Variants in ZMYM5 observed in about 807,000 individuals in gnomAD.
ZMYM5 encodes zinc finger MYM-type protein 5.
ZMYM5 carries 41 observed loss-of-function variants against 61.8 expected under a neutral mutation model. The observed-to-expected ratio is 0.66, with a 90% CI of 0.52 to 0.86. The LOEUF (loss-of-function observed/expected upper bound fraction) is 0.86, where lower values mean the gene tolerates loss of function less well. ZMYM5 is among the 40% of genes least tolerant of loss of function. The pLI is 0.00. For missense variants in ZMYM5, 706 were observed against 786.7 expected, an observed-to-expected ratio of 0.90 and a Z score of 1.23; for synonymous variants, 257 against 276.4, an observed-to-expected ratio of 0.93 and a Z score of 0.70.
intron 2 of ZMYM5, among the ~76,000 whole-genome samples, chr13:19,852,628 T>TTA (rs1297412886): frequency 6.6e-6 from 1 of 152,210 alleles, no homozygotes; most frequent in African/African-American, 2.4e-5. Context: ...TCCAAAATAA[T>TTA]TATGTAATTA....
chr13:19,837,027 T>TG (rs1329669445), intron 6 of ZMYM5, among the ~76,000 whole-genome samples: 2 of 123,344 alleles, frequency 1.6e-5, no homozygotes, highest in African/African-American at 3.5e-5. Flanking sequence ...GTTTTTTGTT[T>TG]TTTTTTTTTT....
At chr13:19,836,210 G>A (rs1952670300) in intron 6 of ZMYM5, among the ~76,000 whole-genome samples, 1 of 151,726 alleles carries the variant, frequency 6.6e-6, no homozygotes, top group African/African-American at 2.4e-5. Flanking sequence ...AGATTCATAG[G>A]AAAGCAATAA....
chr13:19,827,978 C>T (rs1364625245), intron 7 of ZMYM5, among the ~76,000 whole-genome samples: 2 of 143,648 alleles, frequency 1.4e-5, no homozygotes, highest in Non-Finnish European at 3.0e-5. Flanking sequence ...GAGATTGCGC[C>T]ACTGCACTCC....
intron 2 of ZMYM5, among the ~76,000 whole-genome samples, chr13:19,862,152 A>C (rs1953791680): frequency 6.6e-6 from 1 of 152,198 alleles, no homozygotes; most frequent in Non-Finnish European, 1.5e-5. Context: ...CAAGGCACTT[A>C]AAAGAGAGCT....
intron 2 of ZMYM5, among the ~76,000 whole-genome samples, chr13:19,859,448 G>A (rs981826661): frequency 6.6e-6 from 1 of 152,062 alleles, no homozygotes; most frequent in African/African-American, 2.4e-5. Context: ...TGTCACCCAG[G>A]CTGGAGTGCA....
chr13:19,840,159 C>A (rs1225332542), intron 4 of ZMYM5, among the ~76,000 whole-genome samples: 2 of 152,286 alleles, frequency 1.3e-5, no homozygotes, highest in Non-Finnish European at 2.9e-5. Context: ...AGCTTTTGGA[C>A]AGGTGAGGTG....
chr13:19,849,801 G>A lies in ZMYM5; in HGVS notation c.586+1554C>T, dbSNP rs181444481. On this transcript the variant is annotated intron_variant, in intron 4 of 7. Coordinates refer to ENST00000337963, the MANE Select transcript of ZMYM5 (RefSeq NM_001142684.2). ...TTGAGACCAGCCTGGCCAACATAGT[G>A]AAACCCCATCTCTACTAAGAATACA... Among the ~76,000 whole-genome samples the A allele has an allele frequency of 5.1e-3, 776 of 152,052 alleles. 4 individuals are homozygous for A. Among genetic ancestry groups the A allele is most frequent in the Non-Finnish European group, 8.6e-3 (583 of 67,988 alleles).
intron 3 of ZMYM5, 119 bp downstream of exon 3, chr13:19,851,570 T>G: frequency 6.5e-7 from 1 of 1,541,092 alleles, no homozygotes; most frequent in Non-Finnish European, 8.8e-7. Flanking sequence ...AATAATTATG[T>G]TCACATCTTG....
At chr13:19,844,577 T>C (rs1441697379) in intron 4 of ZMYM5, among the ~76,000 whole-genome samples, 1 of 152,198 alleles carries the variant, frequency 6.6e-6, no homozygotes, top group Non-Finnish European at 1.5e-5. Flanking sequence ...TTTAGCAAGC[T>C]TTAAGTAATA....
At chr13:19,828,886 T>C (rs1478969853) in intron 7 of ZMYM5, among the ~76,000 whole-genome samples, 1 of 152,144 alleles carries the variant, frequency 6.6e-6, no homozygotes, top group African/African-American at 2.4e-5. Context: ...CACAATGAGT[T>C]TGACTTTCAA....
intron 4 of ZMYM5, 75 bp from the exon 5 acceptor site, chr13:19,839,060 TA>T: frequency 6.5e-7 from 1 of 1,530,924 alleles, no homozygotes; most frequent in East Asian, 2.3e-5. Flanking sequence ...CATTTTCATT[TA>T]AGAGTTTAAG....
intron 2 of ZMYM5, among the ~76,000 whole-genome samples, chr13:19,860,277 C>T (rs939216339): frequency 2.0e-5 from 3 of 150,048 alleles, no homozygotes; most frequent in African/African-American, 7.3e-5. Flanking sequence ...AGGCACCCAC[C>T]AGCACACCCG....
intron 4 of ZMYM5, among the ~76,000 whole-genome samples, chr13:19,849,795 C>T (rs1172838921): frequency 3.3e-5 from 5 of 151,960 alleles, no homozygotes; most frequent in Non-Finnish European, 5.9e-5. Context: ...GCCTGGCCAA[C>T]ATAGTGAAAC....
rs1317894178 is a variant in ZMYM5, at chr13:19,837,703, CTTTT to C, written c.987_990del (p.Lys330GlufsTer14). On this transcript the variant is annotated frameshift_variant, in exon 6 of 8. Coordinates refer to ENST00000337963, the MANE Select transcript of ZMYM5 (RefSeq NM_001142684.2). LOFTEE classifies it high-confidence loss of function. ...GTACATCTTGACTTATTAAAAACTCCTTTTTTAAGATTCCAGTTGTTTTCACAGG... is the reference window on the plus strand; with the variant it reads ...GTACATCTTGACTTATTAAAAACTCCTTAAGATTCCAGTTGTTTTCACAGG... 2 of 1,577,732 alleles carry C rather than the reference CTTTT, an allele frequency of 1.3e-6. No homozygotes were observed. The highest frequency in any genetic ancestry group is 2.8e-5 in the African/African-American group (2 of 72,396).
Position 19,851,756 on chromosome 13 carries a change from C to A in ZMYM5, c.425G>T (p.Gly142Val). The A allele has an allele frequency of 1.9e-6, 3 of 1,598,518 alleles. No homozygotes were observed. Among genetic ancestry groups the A allele is most frequent in the Admixed American group, 3.6e-5 (2 of 55,270 alleles). Residue 142 changes from glycine to valine, a missense_variant, in exon 3 of 8, where the codon GGA becomes GTA. By Grantham distance (109) the Gly-to-Val change is moderately radical. Around this residue, in one of 2 missense-constraint regions of ZMYM5, gnomAD observed 480 missense variants for 461.7 expected, o/e 1.04. Transcript: ENST00000337963. The stretch of plus-strand genomic sequence containing the variant: ...GGTTTTGTTTTTAGTTCCAGGAAGT[C>A]CCCATTCGATAAAACAGGAAGACTT... ...EKKSSCFIEW[G>V]LPGTKNKTND...
chr13:19,863,120 ACCCGCCCCCCG>A (rs1953836183), intron 1 of ZMYM5, among the ~76,000 whole-genome samples: 1 of 150,834 alleles, frequency 6.6e-6, no homozygotes. Flanking sequence ...CCCTCGCCCA[ACCCGCCCCCCG>A]CCACTATGCG....
chr13:19,824,591 A>T lies in ZMYM5; in HGVS notation c.1896T>A (p.Ser632Arg), dbSNP rs1331794255. ...CAGATTTTAATTTTGAGTACTTAAC[A>T]CTATTGTTGACGTGCATTTCACTTT... is the stretch of plus-strand genomic sequence containing the variant. Reference protein sequence around the residue: ...HEESEMHVNNSVKYSKLKSDL... With the variant: ...HEESEMHVNNRVKYSKLKSDL... The change falls in exon 8 of 8, where the codon AGT becomes AGA. Residue 632 changes from serine (S) to arginine (R), a missense_variant. Ser to Arg is a moderately radical substitution (Grantham distance 110, BLOSUM62 -1). Transcript: ENST00000337963. 1 of 1,316,852 alleles carries T rather than the reference A, an allele frequency of 7.6e-7. No individual in the cohort carries two copies. Among genetic ancestry groups the T allele is most frequent in the Non-Finnish European group, 1.0e-6 (1 of 995,956 alleles). The allele number at this position is 1,316,852 out of a possible 1,614,324, so 81.6% of individuals were successfully genotyped here. A position where few individuals can be genotyped will look rare whatever the true frequency, so the allele number is the denominator to read the frequency against.
chr13:19,838,270 C>T (rs1355828863), intron 5 of ZMYM5, among the ~76,000 whole-genome samples: 1 of 152,148 alleles, frequency 6.6e-6, no homozygotes, highest in Middle Eastern at 3.4e-3. Flanking sequence ...CCCAGCTACT[C>T]GGGAGGCTGA....
At position 19,860,427 on chromosome 13, in the gene ZMYM5, ATT is replaced by A. The variant is rs1240279855; in HGVS notation, c.-11+1970_-11+1971del. 3.0e-3 allele frequency among the ~76,000 whole-genome samples: 387 copies of A among 128,782 alleles called. 5 individuals carry two copies. The highest frequency in any genetic ancestry group is 0.01 in the African/African-American group (366 of 35,642). The allele number at this position is 128,782 out of a possible 152,430, so 84.5% of individuals were successfully genotyped here. A position where few individuals can be genotyped will look rare whatever the true frequency, so the allele number is the denominator to read the frequency against. ...AGGCATGTGCCACCAGGCCCGGCTA[ATT>A]TTGTGTGTGTGTGTGTGTATGTGTG... On this transcript the variant is annotated intron_variant, in intron 2 of 7. Transcript: ENST00000337963.
Sources: gnomAD v4.1 joint callset for allele counts (sites outside exome capture counted in the v4.1 genomes callset) on GRCh38, gnomAD v4.1.1 for gene constraint, gnomAD v4.1.1 regional missense constraint, MANE v1.5 for transcripts, NCBI Gene and HGNC (gene_info 2026-07-23, HGNC 2026-07-21) for gene names.